Variants in PLXNC1 observed in about 807,000 individuals in gnomAD.
The protein encoded by PLXNC1 is plexin-C1.
In PLXNC1, 75 loss-of-function variants were observed where a neutral mutation model predicts 178.2. That is an observed-to-expected ratio of 0.42 (90% CI 0.35 to 0.51). The LOEUF (loss-of-function observed/expected upper bound fraction) is 0.51, where lower values mean the gene tolerates loss of function less well. PLXNC1 is among the 20% of genes least tolerant of loss of function. The pLI is 0.02. For synonymous variants in PLXNC1, 790 were observed against 779.9 expected, an observed-to-expected ratio of 1.01 and a Z score of -0.22; for missense variants, 1,503 against 1,984.4, an observed-to-expected ratio of 0.76 and a Z score of 4.61.
intron 4 of PLXNC1, among the ~76,000 whole-genome samples, chr12:94,205,018 A>G (rs1212076414): frequency 6.6e-6 from 1 of 152,166 alleles, no homozygotes; most frequent in East Asian, 1.9e-4. Flanking sequence ...ATGCTGATGA[A>G]ATTTGAGTGG....
chr12:94,193,368 G>A (rs1453088716), intron 4 of PLXNC1, among the ~76,000 whole-genome samples: 1 of 152,100 alleles, frequency 6.6e-6, no homozygotes, highest in African/African-American at 2.4e-5. Context: ...TGATAGTAGT[G>A]GTGAGGGAAG....
chr12:94,190,997 T>C (rs1283728660), intron 4 of PLXNC1, among the ~76,000 whole-genome samples: 1 of 152,242 alleles, frequency 6.6e-6, no homozygotes, highest in Non-Finnish European at 1.5e-5. Flanking sequence ...ATTTTCTTCA[T>C]GGCCCATCAC....
intron 12 of PLXNC1, 66 bp downstream of exon 12, chr12:94,244,091 G>A: frequency 1.1e-6 from 1 of 886,544 alleles, no homozygotes; most frequent in Non-Finnish European, 1.8e-6. Flanking sequence ...ATCACACTAT[G>A]CTATGTTGGG....
chr12:94,169,216 C>G lies in PLXNC1; in HGVS notation c.1126C>G (p.Leu376Val), dbSNP rs1479141712. ...IASSTLIHSD[L>V]TSVYGTVVMN... ...ATCATCTACCTTGATCCATTCCGACCTGACATCCGTTTATGGCACCGTGGT... is the reference window on the plus strand; with the variant it reads ...ATCATCTACCTTGATCCATTCCGACGTGACATCCGTTTATGGCACCGTGGT... The change falls in exon 2 of 31, where the codon CTG (leucine) becomes GTG (valine). Residue 376 changes from leucine (L) to valine (V), a missense_variant. Physicochemically the swap from Leu to Val is conservative, Grantham distance 32. Coordinates refer to ENST00000258526, the MANE Select transcript of PLXNC1 (RefSeq NM_005761.3). 6.2e-7 allele frequency: 1 copy of G among 1,613,804 alleles called. No homozygotes were observed. The highest frequency in any genetic ancestry group is 1.7e-5 in the Admixed American group (1 of 60,024).
chr12:94,202,952 T>G (rs1249055163), intron 4 of PLXNC1, among the ~76,000 whole-genome samples: 2 of 152,138 alleles, frequency 1.3e-5, no homozygotes, highest in South Asian at 4.1e-4. Flanking sequence ...TGAGAGATTT[T>G]TAAGCAGGGA....
chr12:94,186,471 A>G lies in PLXNC1; in HGVS notation c.1437A>G (p.Gln479=), dbSNP rs376677207. 1.5e-5 allele frequency: 24 copies of G among 1,601,560 alleles called. No individual in the cohort carries two copies. The highest frequency in any genetic ancestry group is 1.9e-5 in the Non-Finnish European group (22 of 1,168,702). Reference sequence around the variant, plus strand: ...ACTGCGGTTGGTGCCATTCGCTACAAAGGTATCTCCTGAATTCTTTCTCAC... The same window carrying G: ...ACTGCGGTTGGTGCCATTCGCTACAGAGGTATCTCCTGAATTCTTTCTCAC... ...DPHCGWCHSL[Q]RCTFQGDCVH... The change falls in exon 4 of 31, where the codon CAA becomes CAG. Residue 479 remains glutamine, a splice_region_variant and synonymous_variant. Transcript: ENST00000258526.
chr12:94,235,888 C>T (rs901917398), intron 9 of PLXNC1, among the ~76,000 whole-genome samples: 5 of 152,200 alleles, frequency 3.3e-5, no homozygotes, highest in African/African-American at 2.4e-5. Flanking sequence ...CTAGTGCACA[C>T]ATAGATCATG....
At position 94,237,653 on chromosome 12, in the gene PLXNC1, C is replaced by T; in HGVS notation, c.1981-11C>T. 6.2e-7 allele frequency: 1 copy of T among 1,609,304 alleles called. No individual in the cohort carries two copies. Among genetic ancestry groups the T allele is most frequent in the Non-Finnish European group, 8.5e-7 (1 of 1,177,166 alleles). On this transcript the variant is annotated splice_polypyrimidine_tract_variant and intron_variant, in intron 9 of 30. Transcript: ENST00000258526. Reference sequence around the variant, plus strand: ...CTTTGATCTCCTGTTTTAATCTTTTCTTTCCAATAGGTCTTCTACATTAAG... The same window carrying T: ...CTTTGATCTCCTGTTTTAATCTTTTTTTTCCAATAGGTCTTCTACATTAAG...
At chr12:94,287,450 C>T (rs142549981) in intron 23 of PLXNC1, among the ~76,000 whole-genome samples, 44 of 152,280 alleles carry the variant, frequency 2.9e-4, no homozygotes, top group African/African-American at 8.7e-4. Flanking sequence ...TCACTCGCAC[C>T]CTGCTGTGAC....
chr12:94,149,333 G>T lies in PLXNC1; in HGVS notation c.362G>T (p.Gly121Val). 6.9e-7 allele frequency: 1 copy of T among 1,441,070 alleles called. No individual in the cohort carries two copies. The highest frequency in any genetic ancestry group is 9.0e-7 in the Non-Finnish European group (1 of 1,106,736). The allele number at this position is 1,441,070 out of a possible 1,614,324, so 89.3% of individuals were successfully genotyped here. Reference protein sequence around the residue: ...PYREGAAGLGGLLLTGWTFDR... With the variant: ...PYREGAAGLGVLLLTGWTFDR... ...CGCGAGGGGGCGGCCGGCCTCGGGG[G>T]GCTGCTGCTCACCGGCTGGACCTTC... The change falls in exon 1 of 31, where the codon GGG becomes GTG. Residue 121 changes from glycine (G) to valine (V), a missense_variant. By Grantham distance (109) the Gly-to-Val change is moderately radical. Around this residue, in one of 4 missense-constraint regions of PLXNC1, gnomAD observed 176 missense variants for 180.7 expected, o/e 0.97. Coordinates refer to ENST00000258526, the MANE Select transcript of PLXNC1 (RefSeq NM_005761.3).
chr12:94,192,399 C>G (rs1421483052), intron 4 of PLXNC1, among the ~76,000 whole-genome samples: 2 of 151,628 alleles, frequency 1.3e-5, no homozygotes, highest in African/African-American at 2.4e-5. Context: ...TCTTTCTTGT[C>G]TCTATAGAGC....
In PLXNC1 at chr12:94,305,821, G is replaced by A. The variant is rs1968944993; in HGVS notation, c.*536G>A. The A allele has an allele frequency of 6.6e-6, 1 of 152,448 alleles. No homozygotes were observed. The highest frequency in any genetic ancestry group is 6.5e-5 in the Admixed American group (1 of 15,310). 9.4% of individuals were successfully genotyped at this position (152,448 alleles called of 1,614,324 possible). A position where few individuals can be genotyped will look rare whatever the true frequency, so the allele number is the denominator to read the frequency against. ...CGCAGAATTTGGTAGTGTACACTTAGCATTTGTGAGTGTGTGTGTGTGTTT... is the reference window on the plus strand; with the variant it reads ...CGCAGAATTTGGTAGTGTACACTTAACATTTGTGAGTGTGTGTGTGTGTTT... On this transcript the variant is annotated 3_prime_UTR_variant, in exon 31 of 31. Transcript: ENST00000258526.
chr12:94,259,169 A>T (rs1964930188), intron 17 of PLXNC1, among the ~76,000 whole-genome samples, 168 bp from the exon 18 acceptor site: 1 of 152,196 alleles, frequency 6.6e-6, no homozygotes, highest in South Asian at 2.1e-4. Flanking sequence ...AAGCTGAATA[A>T]TTATTTATTA....
At chr12:94,185,186 C>T (rs903729696) in intron 3 of PLXNC1, among the ~76,000 whole-genome samples, 11 of 152,160 alleles carry the variant, frequency 7.2e-5, no homozygotes, top group South Asian at 2.1e-4. Context: ...CTCAGGATCA[C>T]GGGCTGCCAG....
In PLXNC1 at chr12:94,247,672, C is replaced by T. The variant is rs554011094; in HGVS notation, c.2389-231C>T. 2.6e-5 allele frequency among the ~76,000 whole-genome samples: 4 copies of T among 152,300 alleles called. No individual in the cohort carries two copies. The East Asian group carries it at 5.8e-4, about 22-fold the overall frequency. Reference sequence around the variant, plus strand: ...TTAACTAGCATGTTTTGAGTGCTTACTGTGTGCCGGGCCCTGATCTAAGCA... The same window carrying T: ...TTAACTAGCATGTTTTGAGTGCTTATTGTGTGCCGGGCCCTGATCTAAGCA... On this transcript the variant is annotated intron_variant, in intron 12 of 30. Transcript: ENST00000258526.
At chr12:94,278,690 T>A (rs1225586780) in intron 21 of PLXNC1, among the ~76,000 whole-genome samples, 4 of 152,198 alleles carry the variant, frequency 2.6e-5, no homozygotes, top group Non-Finnish European at 5.9e-5. Context: ...TAATTAATGC[T>A]GCATATTAAA....
chr12:94,168,791 T>TA (rs1293644958), intron 1 of PLXNC1, among the ~76,000 whole-genome samples: 1 of 152,188 alleles, frequency 6.6e-6, no homozygotes, highest in Non-Finnish European at 1.5e-5. Context: ...GCGGCAGGAT[T>TA]TTGAAAACAG....
chr12:94,259,865 C>T (rs1964946929), intron 19 of PLXNC1, 131 bp downstream of exon 19: 1 of 532,200 alleles, frequency 1.9e-6, no homozygotes, highest in Non-Finnish European at 3.0e-6. Flanking sequence ...GAGTTCAAGA[C>T]CAGCCTGACC....
At chr12:94,179,032 T>C (rs780122043) in intron 2 of PLXNC1, among the ~76,000 whole-genome samples, 3 of 152,190 alleles carry the variant, frequency 2.0e-5, no homozygotes, top group Admixed American at 6.5e-5. Flanking sequence ...CACCTGGGCT[T>C]GGCCCAAGCA....
Sources: allele counts gnomAD v4.1 joint callset (sites outside exome capture counted in the v4.1 genomes callset), GRCh38; gene constraint gnomAD v4.1.1; regional missense constraint gnomAD v4.1.1; transcripts MANE v1.5; gene names NCBI Gene and HGNC (gene_info 2026-07-23, HGNC 2026-07-21).